ERICH5: variants seen among roughly 807,000 people sequenced by gnomAD.
ERICH5 encodes the protein glutamate-rich protein 5.
Under a neutral mutation model 28.0 loss-of-function variants are expected in ERICH5, and 24 were observed. That is an observed-to-expected ratio of 0.86 (90% CI 0.62 to 1.21). The LOEUF (loss-of-function observed/expected upper bound fraction) is 1.21, where lower values mean the gene tolerates loss of function less well. ERICH5 is among the 50% of genes most tolerant of loss of function. The pLI, the probability that ERICH5 is intolerant of heterozygous loss-of-function variation, is 0.00. For missense variants in ERICH5, 421 were observed against 441.2 expected, an observed-to-expected ratio of 0.95 and a Z score of 0.41; for synonymous variants, 163 against 157.6, an observed-to-expected ratio of 1.03 and a Z score of -0.25.
chr8:98,074,485 A>G (rs1815014266), intron 1 of ERICH5, among the ~76,000 whole-genome samples: 1 of 149,328 alleles, frequency 6.7e-6, no homozygotes, highest in African/African-American at 2.5e-5. Flanking sequence ...TACAGCCTCA[A>G]CTTCCTGGAT....
chr8:98,084,206 G>A (rs1399586198), intron 1 of ERICH5, among the ~76,000 whole-genome samples: 2 of 151,252 alleles, frequency 1.3e-5, no homozygotes, highest in Non-Finnish European at 2.9e-5. Context: ...TCTATCTCCA[G>A]CATCAGAGCT....
At chr8:98,091,931 TTCTTCCTTTCTTTC>T (rs1563759664) in intron 2 of ERICH5, among the ~76,000 whole-genome samples, 1 of 62,668 alleles carries the variant, frequency 1.6e-5, no homozygotes, top group African/African-American at 6.1e-5. Flanking sequence ...CTTTCTTTCT[TTCTTCCTTTCTTTC>T]TTTCTTCTTT....
intron 2 of ERICH5, among the ~76,000 whole-genome samples, chr8:98,091,932 TCTTC>T (rs1815411312): frequency 3.1e-5 from 2 of 63,516 alleles, no homozygotes; most frequent in Admixed American, 2.0e-4. Context: ...TTTCTTTCTT[TCTTC>T]CTTTCTTTCT....
chr8:98,086,318 C>T (rs1031882439), intron 1 of ERICH5, among the ~76,000 whole-genome samples: 20 of 152,194 alleles, frequency 1.3e-4, no homozygotes, highest in Admixed American at 3.3e-4. Flanking sequence ...CCCCTGATAC[C>T]GCAGGATCCT....
At chr8:98,084,574 T>A (rs1041260256) in intron 1 of ERICH5, among the ~76,000 whole-genome samples, 9 of 151,832 alleles carry the variant, frequency 5.9e-5, no homozygotes, top group Non-Finnish European at 1.0e-4. Flanking sequence ...AGAGACTGGG[T>A]TTCACCATGT....
chr8:98,082,158 C>T (rs550244865), intron 1 of ERICH5, among the ~76,000 whole-genome samples: 2 of 152,240 alleles, frequency 1.3e-5, no homozygotes, highest in South Asian at 4.1e-4. Context: ...CTAGCATTTT[C>T]CCTATTTTGT....
At chr8:98,086,240 A>G (rs182331266) in intron 1 of ERICH5, among the ~76,000 whole-genome samples, 7 of 152,314 alleles carry the variant, frequency 4.6e-5, no homozygotes, top group Admixed American at 1.3e-4. Context: ...GCAGACAGAC[A>G]TGTGATAACT....
intron 2 of ERICH5, among the ~76,000 whole-genome samples, chr8:98,091,949 CTTCT>C (rs3074388): frequency 9.8e-6 from 1 of 101,970 alleles, no homozygotes; most frequent in African/African-American, 4.3e-5. Context: ...TTCTTTCTTT[CTTCT>C]TTCTTTCTTT....
At chr8:98,088,882 T>G (rs1815327659) in intron 1 of ERICH5, among the ~76,000 whole-genome samples, 194 bp from the exon 2 acceptor site, 1 of 152,150 alleles carries the variant, frequency 6.6e-6, no homozygotes, top group Non-Finnish European at 1.5e-5. Flanking sequence ...ATTAAATGTT[T>G]GAGCTGAAGA....
intron 1 of ERICH5, among the ~76,000 whole-genome samples, chr8:98,080,817 C>T (rs1360401100): frequency 6.6e-6 from 1 of 151,754 alleles, no homozygotes; most frequent in Non-Finnish European, 1.5e-5. Context: ...ATTCTCCAGC[C>T]TCAGTCTTCC....
intron 1 of ERICH5, among the ~76,000 whole-genome samples, chr8:98,085,480 A>G (rs1232964784): frequency 6.6e-6 from 1 of 151,784 alleles, no homozygotes; most frequent in Non-Finnish European, 1.5e-5. Flanking sequence ...AGATTTTTTG[A>G]CCTATTCACC....
chr8:98,070,021 GA>G (rs1814882996), intron 1 of ERICH5, among the ~76,000 whole-genome samples: 2 of 152,140 alleles, frequency 1.3e-5, no homozygotes, highest in Admixed American at 1.3e-4. Context: ...AATACAGCTA[GA>G]AAACGAAGCT....
chr8:98,091,900 C>CTTTCTTTTCTTTCTTT lies in ERICH5; in HGVS notation c.1013-1321_1013-1320insTTTCTTTTCTTTCTTT. Among the ~76,000 whole-genome samples, 279 of 74,708 alleles carry CTTTCTTTTCTTTCTTT rather than the reference C, an allele frequency of 3.7e-3. 8 individuals are homozygous for CTTTCTTTTCTTTCTTT. The highest frequency in any genetic ancestry group is 9.0e-3 in the African/African-American group (161 of 17,842). The allele number at this position is 74,708 out of a possible 152,430, so 49.0% of individuals were successfully genotyped here. ...TCTTTCTTTCTTTCTTTCTTTCTTT[C>CTTTCTTTTCTTTCTTT]CTTTCTTTCTTTCTTTCTTCCTTTC... On this transcript the variant is annotated intron_variant, in intron 2 of 2. Coordinates refer to ENST00000318528, the MANE Select transcript of ERICH5 (RefSeq NM_173549.3).
intron 2 of ERICH5, among the ~76,000 whole-genome samples, chr8:98,091,203 CG>C (rs1181331137): frequency 6.6e-6 from 1 of 152,074 alleles, no homozygotes; most frequent in African/African-American, 2.4e-5. Flanking sequence ...CCCAAAGTGC[CG>C]GGATTACAGG....
At chr8:98,072,069 G>A (rs963241292) in intron 1 of ERICH5, among the ~76,000 whole-genome samples, 1 of 152,006 alleles carries the variant, frequency 6.6e-6, no homozygotes, top group African/African-American at 2.4e-5. Context: ...GTTTTTAGCA[G>A]CTAAAACCCC....
At chr8:98,076,390 CTTTTT>C (rs58330802) in intron 1 of ERICH5, among the ~76,000 whole-genome samples, 65 of 143,190 alleles carry the variant, frequency 4.5e-4, no homozygotes, top group Admixed American at 2.8e-4. Context: ...ATTAGAAGGC[CTTTTT>C]TTTTTTTTTT....
intron 1 of ERICH5, among the ~76,000 whole-genome samples, chr8:98,076,410 C>G (rs895118830): frequency 3.5e-5 from 5 of 142,660 alleles, no homozygotes; most frequent in African/African-American, 1.3e-4. Context: ...TTTTTTTCCT[C>G]GTGATCTAGC....
chr8:98,074,753 A>G (rs374577325), intron 1 of ERICH5, among the ~76,000 whole-genome samples: 166 of 152,240 alleles, frequency 1.1e-3, no homozygotes, highest in African/African-American at 3.6e-3. Context: ...TATACTGCAC[A>G]CTCACTTTCC....
At chr8:98,087,872 A>G (rs1357623049) in intron 1 of ERICH5, among the ~76,000 whole-genome samples, 3 of 152,118 alleles carry the variant, frequency 2.0e-5, no homozygotes, top group Non-Finnish European at 4.4e-5. Flanking sequence ...TGGAATATTT[A>G]TGTGTTCTTG....
Sources: allele counts gnomAD v4.1 joint callset (sites outside exome capture counted in the v4.1 genomes callset), GRCh38; gene constraint gnomAD v4.1.1; transcripts MANE v1.5; gene names NCBI Gene and HGNC (gene_info 2026-07-23, HGNC 2026-07-21).